Variants in CLASP2 observed in about 807,000 individuals in gnomAD.
CLASP2 encodes cytoplasmic linker associated protein 2, also known as CLIP-associating protein 2.
CLASP2 carries 47 observed loss-of-function variants against 194.4 expected under a neutral mutation model. That is an observed-to-expected ratio of 0.24 (90% confidence interval 0.19 to 0.31). CLASP2 has a LOEUF of 0.31. CLASP2 is among the 10% of genes least tolerant of loss of function. CLASP2 has a pLI of 1.00. For synonymous variants in CLASP2, 619 were observed against 633.5 expected (o/e 0.98, Z 0.34); for missense variants, 1,445 against 1,823.6 (o/e 0.79, Z 3.78).
At chr3:33,609,501 A>G (rs1232311514) in intron 13 of CLASP2, among the ~76,000 whole-genome samples, 1 of 152,032 alleles carries the variant, frequency 6.6e-6, no homozygotes, top group Admixed American at 6.6e-5. Context: ...AGTTTCTTCA[A>G]CTGTCTCATA....
chr3:33,574,418 G>C, intron 24 of CLASP2: 2 of 1,117,476 alleles, frequency 1.8e-6, no homozygotes, highest in Non-Finnish European at 1.2e-6. Flanking sequence ...TTAAATTGAT[G>C]AAAGAAAAAA....
intron 34 of CLASP2, among the ~76,000 whole-genome samples, chr3:33,530,131 ATAAG>A (rs2055900340): frequency 6.6e-6 from 1 of 151,988 alleles, no homozygotes; most frequent in Non-Finnish European, 1.5e-5. Context: ...AAAAAAAAAA[ATAAG>A]TATGAGTACA....
rs12106734 is a variant in CLASP2, at chr3:33,558,620, C to G, written c.3009+687G>C. On this transcript the variant is annotated intron_variant, in intron 29 of 38. Transcript: ENST00000682230. ...CACAAATTGGAATCCATTTAGTTTT[C>G]ATATTAACTGAAAAATGTGTGTATA... 3 of 150,858 alleles carry G rather than the reference C, an allele frequency of 2.0e-5. No homozygotes were observed. The East Asian group carries it at 5.8e-4, about 29-fold the overall frequency. The allele number at this position is 150,858 out of a possible 1,614,324, so 9.3% of individuals were successfully genotyped here.
rs908194235 is a variant in CLASP2, at chr3:33,688,485, C to G, written c.379-117G>C. On this transcript the variant is annotated intron_variant, in intron 3 of 38. Transcript: ENST00000682230. ...TCGGTAACTGAATGTTTTCATCAGA[C>G]TGTTGTTCATTTCTCCACTACTTAC... The G allele has an allele frequency of 5.2e-4, 396 of 768,766 alleles. 3 individuals carry two copies. The highest frequency in any genetic ancestry group is 3.8e-4 in the Middle Eastern group (1 of 2,598). The allele number at this position is 768,766 out of a possible 1,614,324, so 47.6% of individuals were successfully genotyped here. A position where few individuals can be genotyped will look rare whatever the true frequency, so the allele number is the denominator to read the frequency against.
chr3:33,543,391 T>C, intron 32 of CLASP2, 42 bp downstream of exon 32: 1 of 1,308,348 alleles, frequency 7.6e-7, no homozygotes, highest in South Asian at 1.2e-5. Context: ...AGAATGGGAA[T>C]TTACAAATAC....
chr3:33,613,223 G>A (rs2075515709), intron 12 of CLASP2, among the ~76,000 whole-genome samples: 1 of 152,186 alleles, frequency 6.6e-6, no homozygotes, highest in Non-Finnish European at 1.5e-5. Context: ...CAGGAGTGGA[G>A]CAGGCAGAGG....
intron 7 of CLASP2, among the ~76,000 whole-genome samples, chr3:33,656,926 G>A (rs573464598): frequency 4.6e-5 from 7 of 152,198 alleles, no homozygotes; most frequent in Non-Finnish European, 1.0e-4. Flanking sequence ...CATATACTTT[G>A]ATATTTAGTA....
rs1023331488 is a variant in CLASP2, at chr3:33,535,420, A to C, written c.3600T>G (p.Gly1200=). ...GPGMSDPRAG[G]DATDSSQTAL... ...CTGTTTGACTTGAGTCAGTAGCATC[A>C]CCTCCTGCTCTTGGGTCAGACATCC... Residue 1200 remains glycine (G), a synonymous_variant, in exon 34 of 39, where the codon GGT becomes GGG. Transcript: ENST00000682230. 3.1e-6 allele frequency: 5 copies of C among 1,613,902 alleles called. No homozygotes were observed. In the East Asian group the frequency reaches 1.1e-4, roughly 36 times the overall value.
At chr3:33,506,074 T>G (rs1378631358) in intron 37 of CLASP2, among the ~76,000 whole-genome samples, 1 of 151,918 alleles carries the variant, frequency 6.6e-6, no homozygotes, top group Non-Finnish European at 1.5e-5. Flanking sequence ...ACATGATACT[T>G]AGAATTTGCT....
At chr3:33,550,953 T>C (rs986665502) in intron 30 of CLASP2, among the ~76,000 whole-genome samples, 5 of 152,116 alleles carry the variant, frequency 3.3e-5, no homozygotes, top group Admixed American at 2.0e-4. Flanking sequence ...CAAACAACAG[T>C]GTAAGCTCTC....
chr3:33,670,248 T>C (rs1279932142), intron 6 of CLASP2, among the ~76,000 whole-genome samples: 1 of 152,126 alleles, frequency 6.6e-6, no homozygotes, highest in African/African-American at 2.4e-5. Context: ...AGGATTGTGG[T>C]TACTTTTAGG....
At chr3:33,602,502 T>C (rs1402548344) in intron 18 of CLASP2, 1 of 750,006 alleles carries the variant, frequency 1.3e-6, no homozygotes, top group Non-Finnish European at 2.4e-6. Context: ...GAAATCAAAC[T>C]GAATAGAGTT....
At chr3:33,553,747 C>T (rs2060435694) in intron 29 of CLASP2, among the ~76,000 whole-genome samples, 1 of 152,120 alleles carries the variant, frequency 6.6e-6, no homozygotes, top group South Asian at 2.1e-4. Flanking sequence ...TTCCACAATG[C>T]TGGTGGAAAT....
chr3:33,585,056 G>C, intron 21 of CLASP2, 136 bp from the exon 22 acceptor site: 1 of 630,794 alleles, frequency 1.6e-6, no homozygotes, highest in Non-Finnish European at 2.5e-6. Context: ...AAAGGAAATA[G>C]ACCGAGGAAG....
At chr3:33,704,626 G>C (rs925409089) in intron 1 of CLASP2, among the ~76,000 whole-genome samples, 13 of 152,008 alleles carry the variant, frequency 8.6e-5, no homozygotes, top group African/African-American at 2.9e-4. Flanking sequence ...GGTGGCACGC[G>C]CCTGTAGTCC....
chr3:33,695,633 A>G (rs2091813325), intron 2 of CLASP2, among the ~76,000 whole-genome samples: 1 of 152,150 alleles, frequency 6.6e-6, no homozygotes, highest in Non-Finnish European at 1.5e-5. Context: ...GGAGGCATTA[A>G]CTTAATCCAC....
At position 33,496,531 on chromosome 3, in the gene CLASP2, T is replaced by G. The variant is rs547107701; in HGVS notation, c.*2100A>C. ...ATGTTTACATCTACTAGCTTTCATT[T>G]GGACACATTAAACCATACTTTTCCA... On this transcript the variant is annotated 3_prime_UTR_variant, in exon 39 of 39. Coordinates refer to ENST00000682230, the MANE Select transcript of CLASP2 (RefSeq NM_001365631.1). The G allele has an allele frequency of 6.6e-6, 1 of 152,324 alleles. No homozygotes were observed. The highest frequency in any genetic ancestry group is 2.1e-4 in the South Asian group (1 of 4,828). The allele number at this position is 152,324 out of a possible 1,614,324, so 9.4% of individuals were successfully genotyped here.
chr3:33,689,761 T>C, intron 3 of CLASP2, 68 bp downstream of exon 3: 2 of 1,054,946 alleles, frequency 1.9e-6, no homozygotes, highest in Non-Finnish European at 2.7e-6. Context: ...GTGTTCATGC[T>C]TGCTGTGGCT....
chr3:33,586,225 C>A (rs975774491), intron 21 of CLASP2, among the ~76,000 whole-genome samples: 1 of 151,876 alleles, frequency 6.6e-6, no homozygotes, highest in African/African-American at 2.4e-5. Context: ...ACTTCCGCCT[C>A]CCGGGTTCAA....
Sources: gnomAD v4.1 joint callset for allele counts (sites outside exome capture counted in the v4.1 genomes callset) on GRCh38, gnomAD v4.1.1 for gene constraint, MANE v1.5 for transcripts, NCBI Gene and HGNC (gene_info 2026-07-23, HGNC 2026-07-21) for gene names.